The following NCOR2 variants were observed in gnomAD, a reference collection of about 807,000 sequenced individuals.
NCOR2 encodes the protein CTG repeat protein 26.
NCOR2 carries 81 observed loss-of-function variants against 262.9 expected under a neutral mutation model. The ratio of observed to expected loss-of-function variants is 0.31; its 90% confidence interval spans 0.26 to 0.37. NCOR2 has a LOEUF of 0.37. Ranked by LOEUF, NCOR2 falls within the 10% of genes least tolerant of loss-of-function variation. The pLI is 1.00. For missense variants in NCOR2, 3,385 were observed against 3,621.4 expected, an observed-to-expected ratio of 0.93 and a Z score of 1.68; for synonymous variants, 1,659 against 1,559.3, an observed-to-expected ratio of 1.06 and a Z score of -1.51.
intron 1 of NCOR2, among the ~76,000 whole-genome samples, chr12:124,546,128 C>A (rs2051535808): frequency 6.6e-6 from 1 of 152,194 alleles, no homozygotes; most frequent in Admixed American, 6.5e-5. Flanking sequence ...CAAAACCTAG[C>A]TGCACTGCTT....
chr12:124,331,063 CTT>C (rs747884076), intron 43 of NCOR2, among the ~76,000 whole-genome samples, 165 bp from the exon 46 acceptor site: 41 of 135,606 alleles, frequency 3.0e-4, no homozygotes, highest in Admixed American at 3.7e-4. Context: ...GTCTGCATTT[CTT>C]TTTTTTTTTT....
chr12:124,369,093 A>G (rs2039272829), intron 20 of NCOR2, among the ~76,000 whole-genome samples: 1 of 152,196 alleles, frequency 6.6e-6, no homozygotes, highest in Non-Finnish European at 1.5e-5. Flanking sequence ...TATTCTTGCA[A>G]TAAGCCATCC....
chr12:124,337,378 G>C, intron 37 of NCOR2, 198 bp from the exon 40 acceptor site: 1 of 741,798 alleles, frequency 1.3e-6, no homozygotes, highest in Non-Finnish European at 2.4e-6. Flanking sequence ...TTCATTCCTT[G>C]CATCATTCCA....
chr12:124,422,599 C>A, intron 11 of NCOR2, 44 bp from the exon 14 acceptor site: 1 of 1,610,518 alleles, frequency 6.2e-7, no homozygotes, highest in Non-Finnish European at 8.5e-7. Flanking sequence ...CCGAGGGGGG[C>A]TTTCCTGCGG....
At chr12:124,422,608 G>A (rs115355225) in intron 11 of NCOR2, 53 bp from the exon 14 acceptor site, 63,787 of 1,604,634 alleles carry the variant, frequency 0.04, 3,161 homozygotes, top group African/African-American at 0.19. Context: ...GCTTTCCTGC[G>A]GGGCAGCCGA....
chr12:124,382,401 C>T (rs1366744548), intron 17 of NCOR2, among the ~76,000 whole-genome samples: 1 of 152,170 alleles, frequency 6.6e-6, no homozygotes, highest in Non-Finnish European at 1.5e-5. Context: ...GAGAACCAAC[C>T]CCACACTCCC....
chr12:124,487,003 C>T (rs1399417935), intron 1 of NCOR2, among the ~76,000 whole-genome samples: 1 of 152,226 alleles, frequency 6.6e-6, no homozygotes, highest in Non-Finnish European at 1.5e-5. Flanking sequence ...TACCCTCCCA[C>T]CCCATCCTAC....
intron 13 of NCOR2, among the ~76,000 whole-genome samples, chr12:124,417,161 C>T (rs1593444752): frequency 2.0e-5 from 3 of 150,966 alleles, no homozygotes; most frequent in Admixed American, 2.0e-4. Context: ...GAGAGCAGGC[C>T]GGACACTCAC....
At chr12:124,337,234 A>G in intron 37 of NCOR2, 54 bp from the exon 40 acceptor site, 2 of 1,529,836 alleles carry the variant, frequency 1.3e-6, no homozygotes, top group East Asian at 2.5e-5. Flanking sequence ...CTCTTCCTCC[A>G]CCACCCTCGA....
chr12:124,360,440 T>A (rs1263991), intron 22 of NCOR2, among the ~76,000 whole-genome samples: 1 of 152,176 alleles, frequency 6.6e-6, no homozygotes, highest in East Asian at 1.9e-4. Flanking sequence ...TGCCAAGAGC[T>A]GCGCTGTGAC....
At chr12:124,414,419 C>T (rs568156283) in intron 13 of NCOR2, among the ~76,000 whole-genome samples, 107 of 152,326 alleles carry the variant, frequency 7.0e-4, no homozygotes, top group Admixed American at 6.8e-3. Flanking sequence ...TCATCGCCAT[C>T]GCCACCATAG....
rs868172 is a variant in NCOR2, at chr12:124,523,859, A to G, written c.-118+11706T>C. 0.032 allele frequency among the ~76,000 whole-genome samples: 4,850 copies of G among 152,222 alleles called. 249 individuals carry two copies. Among genetic ancestry groups the G allele is most frequent in the African/African-American group, 0.11 (4,604 of 41,516 alleles). ...AAGGGGACGGGGCTGGGAAGTGGCAATGTCGGTTTTGAACTCAGCAAGTGT... is the reference window on the plus strand; with the variant it reads ...AAGGGGACGGGGCTGGGAAGTGGCAGTGTCGGTTTTGAACTCAGCAAGTGT... On this transcript the variant is annotated intron_variant, in intron 1 of 46. Transcript: ENST00000404621. This position sits in a 1 kb window ranked among gnomAD's most constrained non-coding sequence, Gnocchi z 4.0.
intron 18 of NCOR2, among the ~76,000 whole-genome samples, chr12:124,375,024 G>A (rs140378800): frequency 9.4e-4 from 142 of 151,614 alleles, no homozygotes; most frequent in Middle Eastern, 3.4e-3. Context: ...GCCAGGCTCC[G>A]TGCCGAGTTC....
chr12:124,346,393 G>A (rs1215276830), intron 31 of NCOR2, among the ~76,000 whole-genome samples, 171 bp downstream of exon 33: 6 of 152,130 alleles, frequency 3.9e-5, no homozygotes, highest in Non-Finnish European at 5.9e-5. Flanking sequence ...TGCCCCCTGC[G>A]CAGCCCTGGA....
In NCOR2 at chr12:124,452,983, G is replaced by A. The variant is rs1654880038; in HGVS notation, c.763-3116C>T. Among the ~76,000 whole-genome samples the A allele has an allele frequency of 1.3e-5, 2 of 152,164 alleles. 1 individual carries two copies. The highest frequency in any genetic ancestry group is 4.8e-5 in the African/African-American group (2 of 41,440). On this transcript the variant is annotated intron_variant, in intron 6 of 46. Transcript: ENST00000405201. Reference sequence around the variant, plus strand: ...GCCCCTGAACCCCAGGAGCCCAGGGGAGGCTCTGGGCCCAGAGCTGCCTGG... The same window carrying A: ...GCCCCTGAACCCCAGGAGCCCAGGGAAGGCTCTGGGCCCAGAGCTGCCTGG...
chr12:124,549,414 C>G lies in NCOR2; in HGVS notation c.-164-13803G>C, dbSNP rs2051641987. ...TCGGGATCAAATGAACCCACTTAAT[C>G]CCCCTAGGGATCTCTGCTGAGCTGG... On this transcript the variant is annotated intron_variant, in intron 1 of 32. Transcript: ENST00000458234. The surrounding 1 kb of genome is among the most constrained non-coding windows in gnomAD (Gnocchi z 4.4). 1.3e-5 allele frequency among the ~76,000 whole-genome samples: 2 copies of G among 152,168 alleles called. No homozygotes were observed. The highest frequency in any genetic ancestry group is 4.1e-4 in the South Asian group (2 of 4,832).
chr12:124,344,847 G>A (rs1487489737), exon 32 of NCOR2: 4 of 1,568,380 alleles, frequency 2.6e-6, no homozygotes, highest in East Asian at 2.4e-5. Flanking sequence ...CATCCAGCGG[G>A]TGCACGGGTG....
At chr12:124,494,155 A>T (rs1593814253) in intron 1 of NCOR2, among the ~76,000 whole-genome samples, 1 of 152,258 alleles carries the variant, frequency 6.6e-6, no homozygotes, top group Middle Eastern at 3.4e-3. Context: ...ACTGATGGAA[A>T]CGTCCTCCCA....
Position 124,335,433 on chromosome 12 carries a change from G to A in NCOR2, c.6265+50C>T, listed in dbSNP as rs371157159. On this transcript the variant is annotated intron_variant, in intron 39 of 46. Transcript: ENST00000405201. Reference sequence around the variant, plus strand: ...CCTATCTGCATGATGGGGCCTTGAGGGTCCTCACTGTGCAGGGCTTCGGGG... The same window carrying A: ...CCTATCTGCATGATGGGGCCTTGAGAGTCCTCACTGTGCAGGGCTTCGGGG... 303 of 1,573,270 alleles carry A rather than the reference G, an allele frequency of 1.9e-4. 3 individuals are homozygous for A. The Middle Eastern group carries it at 2.1e-3, about 11-fold the overall frequency.
Sources: gnomAD v4.1 joint callset for allele counts (sites outside exome capture counted in the v4.1 genomes callset) on GRCh38, gnomAD v4.1.1 for gene constraint, Gnocchi (gnomAD v3.1) non-coding constraint, MANE v1.5 for transcripts, NCBI Gene and HGNC (gene_info 2026-07-23, HGNC 2026-07-21) for gene names.